The following SGTB variants were observed in gnomAD, a reference collection of about 807,000 sequenced individuals.
SGTB encodes small glutamine-rich tetratricopeptide repeat-containing protein beta.
SGTB carries 19 observed loss-of-function variants against 43.9 expected under a neutral mutation model. That is an observed-to-expected ratio of 0.43 (90% confidence interval 0.30 to 0.63). The LOEUF is 0.63. Among genes scored for constraint, SGTB ranks in the 30% least tolerant of loss-of-function variants. The pLI is 0.12. For synonymous variants in SGTB, 116 were observed against 117.3 expected (o/e 0.99, Z 0.07); for missense variants, 304 against 358.9 (o/e 0.85, Z 1.24).
intron 5 of SGTB, among the ~76,000 whole-genome samples, chr5:65,701,625 A>T (rs1198332258): frequency 6.8e-6 from 1 of 146,688 alleles, no homozygotes; most frequent in African/African-American, 2.5e-5. Context: ...GGCTATTTAA[A>T]TTAAATTTTT....
At chr5:65,712,637 C>A (rs1758064985) in intron 3 of SGTB, among the ~76,000 whole-genome samples, 2 of 151,940 alleles carry the variant, frequency 1.3e-5, no homozygotes, top group Admixed American at 1.3e-4. Context: ...AATTCAGATG[C>A]TGGAAACCAA....
rs1218934015 is a variant in SGTB at position 65,720,734 on chromosome 5, G to T, written c.74C>A (p.Thr25Asn). 2.5e-6 allele frequency: 4 copies of T among 1,613,916 alleles called. No individual in the cohort carries two copies. The highest frequency in any genetic ancestry group is 1.7e-5 in the Admixed American group (1 of 60,000). Residue 25 changes from threonine (T) to asparagine (N), a missense_variant, in exon 2 of 11, where the codon ACC (threonine) becomes AAC (asparagine). Transcript: ENST00000381007. ...LREQSQMDTY[T>N]SDEQESLEVA... is the part of the protein sequence containing the mutation. ...TTCCAAACTTTCTTGTTCATCCGAG[G>T]TGTAAGTGTCCATCTGACTTTGTTC...
intron 4 of SGTB, among the ~76,000 whole-genome samples, chr5:65,705,453 T>TA (rs1166832398): frequency 4.0e-5 from 6 of 150,490 alleles, no homozygotes; most frequent in South Asian, 2.1e-4. Flanking sequence ...ACCCTGTCTT[T>TA]AAAAAAAAAG....
chr5:65,699,204 A>G (rs1436080705), intron 5 of SGTB, among the ~76,000 whole-genome samples: 1 of 152,248 alleles, frequency 6.6e-6, no homozygotes, highest in Admixed American at 6.5e-5. Context: ...CTACTCAGCC[A>G]CAAAAAAGAA....
intron 5 of SGTB, among the ~76,000 whole-genome samples, chr5:65,687,795 G>A (rs1053342597): frequency 6.6e-6 from 1 of 152,198 alleles, no homozygotes; most frequent in African/African-American, 2.4e-5. Flanking sequence ...TTGAGACGGA[G>A]TCTTGCTTTG....
At chr5:65,699,176 T>C (rs1757766439) in intron 5 of SGTB, among the ~76,000 whole-genome samples, 1 of 152,200 alleles carries the variant, frequency 6.6e-6, no homozygotes, top group Admixed American at 6.5e-5. Flanking sequence ...GTGGTATATA[T>C]GTATATACTA....
At chr5:65,699,729 A>C (rs961671121) in intron 5 of SGTB, among the ~76,000 whole-genome samples, 10 of 152,234 alleles carry the variant, frequency 6.6e-5, no homozygotes, top group African/African-American at 2.4e-4. Context: ...AAGTGCTGGG[A>C]TTATAGGCGT....
chr5:65,717,382 C>T (rs568061935), intron 2 of SGTB, among the ~76,000 whole-genome samples: 1 of 150,920 alleles, frequency 6.6e-6, no homozygotes, highest in Non-Finnish European at 1.5e-5. Flanking sequence ...TGGAAATGAT[C>T]CAGTAGGGTA....
intron 2 of SGTB, among the ~76,000 whole-genome samples, 199 bp downstream of exon 2, chr5:65,720,509 G>T (rs976992203): frequency 2.6e-5 from 4 of 152,116 alleles, no homozygotes; most frequent in African/African-American, 7.2e-5. Flanking sequence ...ATGAACAATA[G>T]TCCTCTTAAT....
upstream of SGTB, chr5:65,722,723 A>G (rs540435002): frequency 1.0e-3 from 413 of 406,822 alleles, 4 homozygotes; most frequent in African/African-American, 7.9e-3. Context: ...TAAGAAAATC[A>G]TTTCACGTTC....
Position 65,685,486 on chromosome 5 carries a change from A to C in SGTB, c.375-14T>G. 6.2e-7 allele frequency: 1 copy of C among 1,611,902 alleles called. No homozygotes were observed. ...TGAGCAGCAGCCCTAAGAGAAAGAA[A>C]ACAGAATTTTATTAAAGGCAGTTTT... On this transcript the variant is annotated splice_polypyrimidine_tract_variant and intron_variant, in intron 5 of 10. Transcript: ENST00000381007.
At chr5:65,698,222 T>G (rs544664923) in intron 5 of SGTB, among the ~76,000 whole-genome samples, 1 of 152,162 alleles carries the variant, frequency 6.6e-6, no homozygotes, top group Non-Finnish European at 1.5e-5. Flanking sequence ...CAGTTAAGAT[T>G]TATGCATTTT....
At chr5:65,681,452 A>G (rs779194477) in intron 6 of SGTB, among the ~76,000 whole-genome samples, 46 of 152,158 alleles carry the variant, frequency 3.0e-4, no homozygotes, top group Admixed American at 2.0e-4. Context: ...CAATAACTGT[A>G]TATATGGTGA....
At chr5:65,693,456 A>G (rs890087062) in intron 5 of SGTB, among the ~76,000 whole-genome samples, 4 of 152,146 alleles carry the variant, frequency 2.6e-5, no homozygotes, top group Admixed American at 1.3e-4. Flanking sequence ...GGAAGTAAAC[A>G]TGGCAAAATG....
intron 5 of SGTB, among the ~76,000 whole-genome samples, chr5:65,697,759 A>C (rs1027572858): frequency 6.6e-6 from 1 of 152,218 alleles, no homozygotes; most frequent in African/African-American, 2.4e-5. Context: ...CCCACAAATA[A>C]TAACTATAAA....
chr5:65,720,852 C>A, intron 1 of SGTB, 23 bp from the exon 2 acceptor site: 1 of 1,600,146 alleles, frequency 6.2e-7, no homozygotes, highest in Admixed American at 1.8e-5. Flanking sequence ...AATGAAAACA[C>A]TGAACTAAGT....
intron 9 of SGTB, 45 bp from the exon 10 acceptor site, chr5:65,672,043 TAACA>T: frequency 1.2e-6 from 2 of 1,604,572 alleles, no homozygotes; most frequent in Non-Finnish European, 1.7e-6. Flanking sequence ...TATATATTCT[TAACA>T]AATAGGACAA....
chr5:65,707,395 T>TATAC (rs766874066), intron 4 of SGTB, among the ~76,000 whole-genome samples: 37 of 133,690 alleles, frequency 2.8e-4, no homozygotes, highest in African/African-American at 9.8e-4. Context: ...GCTGATTTTA[T>TATAC]ACACACACAC....
At chr5:65,690,664 A>C (rs1320784729) in intron 5 of SGTB, among the ~76,000 whole-genome samples, 1 of 152,202 alleles carries the variant, frequency 6.6e-6, no homozygotes, top group Non-Finnish European at 1.5e-5. Context: ...GGATAGAGAG[A>C]GGTATTATTT....
Sources: allele counts gnomAD v4.1 joint callset (sites outside exome capture counted in the v4.1 genomes callset), GRCh38; gene constraint gnomAD v4.1.1; transcripts MANE v1.5; gene names NCBI Gene and HGNC (gene_info 2026-07-23, HGNC 2026-07-21).